Variants in MAGI2 observed in about 807,000 individuals in gnomAD.
The protein encoded by MAGI2 is membrane-associated guanylate kinase, WW and PDZ domain-containing protein 2.
MAGI2 carries 35 observed loss-of-function variants against 133.3 expected under a neutral mutation model. That is an observed-to-expected ratio of 0.26 (90% CI 0.20 to 0.35). MAGI2 has a LOEUF of 0.35. Among genes scored for constraint, MAGI2 ranks in the 10% least tolerant of loss-of-function variants. The pLI, the probability that MAGI2 is intolerant of heterozygous loss-of-function variation, is 1.00. For missense variants in MAGI2, 1,636 were observed against 1,863.4 expected, an observed-to-expected ratio of 0.88 and a Z score of 2.25; for synonymous variants, 729 against 710.6, an observed-to-expected ratio of 1.03 and a Z score of -0.41.
intron 1 of MAGI2, among the ~76,000 whole-genome samples, chr7:79,263,876 G>A (rs148517439): frequency 0.012 from 1,764 of 152,024 alleles, 10 homozygotes; most frequent in Non-Finnish European, 0.019. Flanking sequence ...TAATCATTTC[G>A]TTTAGAAAAA....
chr7:78,702,790 G>A (rs1193936612), intron 2 of MAGI2, among the ~76,000 whole-genome samples: 2 of 151,952 alleles, frequency 1.3e-5, no homozygotes, highest in African/African-American at 4.8e-5. Flanking sequence ...TCAACAAAGA[G>A]CTGAAGAAAT....
chr7:78,353,991 T>C (rs1791800553), intron 7 of MAGI2, among the ~76,000 whole-genome samples: 1 of 152,182 alleles, frequency 6.6e-6, no homozygotes, highest in Non-Finnish European at 1.5e-5. Flanking sequence ...ATGTACCTTA[T>C]TCCTGAACTT....
chr7:78,364,397 G>T (rs958026140), intron 7 of MAGI2, among the ~76,000 whole-genome samples: 2 of 152,044 alleles, frequency 1.3e-5, no homozygotes, highest in African/African-American at 2.4e-5. Flanking sequence ...CCTCATGATG[G>T]ATACTCACCA....
At position 78,743,191 on chromosome 7, in the gene MAGI2, ACTAGAAC is replaced by A. The variant is rs140814346; in HGVS notation, c.419-115959_419-115953del. Reference sequence around the variant, plus strand: ...TAGTAACTAGAACATCCCCTCCTCTACTAGAACCCTATAGAGATATAGGTCTAGTGCC... The same window carrying A: ...TAGTAACTAGAACATCCCCTCCTCTACCTATAGAGATATAGGTCTAGTGCC... On this transcript the variant is annotated intron_variant, in intron 2 of 21. Coordinates refer to ENST00000354212, the MANE Select transcript of MAGI2 (RefSeq NM_012301.4). Among the ~76,000 whole-genome samples the A allele has an allele frequency of 7.5e-4, 114 of 152,312 alleles. No homozygotes were observed. In the East Asian group the frequency reaches 0.01, roughly 13 times the overall value.
intron 1 of MAGI2, among the ~76,000 whole-genome samples, chr7:79,252,605 ATTGAG>A (rs950152081): frequency 1.3e-5 from 2 of 152,198 alleles, no homozygotes; most frequent in African/African-American, 4.8e-5. Context: ...AAAGAATATA[ATTGAG>A]TTGTTTGTAA....
At chr7:78,338,605 C>A (rs1790020455) in intron 9 of MAGI2, among the ~76,000 whole-genome samples, 1 of 152,170 alleles carries the variant, frequency 6.6e-6, no homozygotes, top group Non-Finnish European at 1.5e-5. Context: ...CTGGCACATT[C>A]ACTAAATATT....
At chr7:78,285,742 A>C (rs1172920876) in intron 9 of MAGI2, 1 of 151,918 alleles carries the variant, frequency 6.6e-6, no homozygotes, top group African/African-American at 2.4e-5. Flanking sequence ...TCTGATCAGG[A>C]CATCTGCGTG....
chr7:79,256,486 CTTTTTTT>C (rs11303181), intron 1 of MAGI2, among the ~76,000 whole-genome samples: 28 of 82,770 alleles, frequency 3.4e-4, no homozygotes, highest in African/African-American at 1.1e-3. Context: ...CTCTCTCTCT[CTTTTTTT>C]TTTTTTTTTT....
chr7:79,345,916 T>C (rs142893888), intron 1 of MAGI2, among the ~76,000 whole-genome samples: 11 of 152,204 alleles, frequency 7.2e-5, no homozygotes, highest in East Asian at 1.9e-4. Context: ...AACTGCCAAA[T>C]GTGAAGAGGC....
chr7:79,437,393 A>G (rs749572703), intron 1 of MAGI2, among the ~76,000 whole-genome samples: 37 of 152,136 alleles, frequency 2.4e-4, no homozygotes, highest in Non-Finnish European at 4.7e-4. Context: ...TTGAAATTGT[A>G]TATCTTTAAG....
chr7:79,228,354 C>CTAAAAAAAAAAAAAAAA (rs1831045859), intron 1 of MAGI2, among the ~76,000 whole-genome samples: 1 of 31,438 alleles, frequency 3.2e-5, no homozygotes, highest in African/African-American at 7.5e-5. Context: ...AAAAAACAGG[C>CTAAAAAAAAAAAAAAAA]AAAAAAAAAA....
At chr7:79,349,873 T>A (rs549632886) in intron 1 of MAGI2, among the ~76,000 whole-genome samples, 3 of 152,150 alleles carry the variant, frequency 2.0e-5, no homozygotes, top group Admixed American at 2.0e-4. Context: ...TTGGGCTAGG[T>A]GCTTACACTA....
chr7:79,117,816 T>C (rs1012228215), intron 1 of MAGI2, among the ~76,000 whole-genome samples: 1 of 152,216 alleles, frequency 6.6e-6, no homozygotes, highest in African/African-American at 2.4e-5. Flanking sequence ...TACTATAATG[T>C]ACAGAGAGTA....
At chr7:79,271,987 A>G (rs1166860458) in intron 1 of MAGI2, among the ~76,000 whole-genome samples, 1 of 152,150 alleles carries the variant, frequency 6.6e-6, no homozygotes, top group Non-Finnish European at 1.5e-5. Context: ...TTTAATGTCT[A>G]GGTTTACTGC....
intron 6 of MAGI2, among the ~76,000 whole-genome samples, chr7:78,455,089 T>C (rs1295712666): frequency 6.6e-6 from 1 of 152,138 alleles, no homozygotes; most frequent in Non-Finnish European, 1.5e-5. Context: ...TGTATCAATA[T>C]TGGCTTATCA....
At chr7:79,351,084 A>C (rs1013908962) in intron 1 of MAGI2, among the ~76,000 whole-genome samples, 2 of 152,186 alleles carry the variant, frequency 1.3e-5, no homozygotes, top group African/African-American at 4.8e-5. Flanking sequence ...TTGATTCTAA[A>C]ACCAGGAAAA....
At chr7:78,115,955 T>C (rs188423185) in intron 20 of MAGI2, among the ~76,000 whole-genome samples, 5 of 152,358 alleles carry the variant, frequency 3.3e-5, no homozygotes, top group Admixed American at 3.3e-4. Context: ...AATAGTTCAA[T>C]AACCAAACCT....
intron 20 of MAGI2, among the ~76,000 whole-genome samples, chr7:78,099,909 A>T (rs895159945): frequency 6.6e-6 from 1 of 152,238 alleles, no homozygotes; most frequent in Admixed American, 6.5e-5. Flanking sequence ...AAGGAGTGGG[A>T]ATTCCCACAA....
chr7:79,098,131 T>C (rs932757154), intron 1 of MAGI2, among the ~76,000 whole-genome samples: 1 of 152,022 alleles, frequency 6.6e-6, no homozygotes, highest in Non-Finnish European at 1.5e-5. Flanking sequence ...CAAAAAAAAA[T>C]AGCAGATGCG....
Sources: gnomAD v4.1 joint callset for allele counts (sites outside exome capture counted in the v4.1 genomes callset) on GRCh38, gnomAD v4.1.1 for gene constraint, MANE v1.5 for transcripts, NCBI Gene and HGNC (gene_info 2026-07-23, HGNC 2026-07-21) for gene names.